The following MR1 variants were observed in gnomAD, a reference collection of about 807,000 sequenced individuals.
MR1 encodes the protein major histocompatibility complex, class I-related, also known as major histocompatibility complex class I-related protein 1.
MR1 carries 44 observed loss-of-function variants against 37.8 expected under a neutral mutation model. The observed-to-expected ratio is 1.16, with a 90% CI of 0.91 to 1.50. The LOEUF (loss-of-function observed/expected upper bound fraction) is 1.50, where lower values mean the gene tolerates loss of function less well. Ranked by LOEUF, MR1 falls within the 40% of genes most tolerant of loss-of-function variation. The pLI is 0.00. For missense variants in MR1, 386 were observed against 419.1 expected, an observed-to-expected ratio of 0.92 and a Z score of 0.69; for synonymous variants, 153 against 155.8, an observed-to-expected ratio of 0.98 and a Z score of 0.13.
At chr1:181,033,945 C>A, upstream of MR1, 2 of 1,461,132 alleles carry the variant, frequency 1.4e-6, no homozygotes, top group South Asian at 1.2e-5. Context: ...TTGTGTGTCA[C>A]CAAGAGGTTC....
At chr1:181,039,877 A>AG (rs1428640667) in intron 1 of MR1, among the ~76,000 whole-genome samples, 2 of 151,656 alleles carry the variant, frequency 1.3e-5, no homozygotes, top group East Asian at 1.9e-4. Context: ...AAAAAAAAAA[A>AG]AAAAGAAAAA....
At chr1:181,047,020 C>G (rs144609092) in intron 1 of MR1, among the ~76,000 whole-genome samples, 1,585 of 152,250 alleles carry the variant, frequency 0.01, 29 homozygotes, top group African/African-American at 0.033. Context: ...CGAGGGTCCA[C>G]GGCTTCATTC....
rs1239701157 is a variant in MR1, at chr1:181,057,239, T to C, written c.*1974T>C. On this transcript the variant is annotated 3_prime_UTR_variant, in exon 6 of 6. Transcript: ENST00000367580. ...ATATGAAGCTACCACTGTACATCTC[T>C]CTTTTCCGGTGCCTGTTGAGTTGCA... 1.3e-5 allele frequency: 2 copies of C among 152,222 alleles called. No homozygotes were observed. Among genetic ancestry groups the C allele is most frequent in the Non-Finnish European group, 2.9e-5 (2 of 68,038 alleles). The allele number at this position is 152,222 out of a possible 1,614,324, so 9.4% of individuals were successfully genotyped here. A position where few individuals can be genotyped will look rare whatever the true frequency, so the allele number is the denominator to read the frequency against.
chr1:181,050,717 C>T (rs1658264559), intron 3 of MR1: 1 of 220,474 alleles, frequency 4.5e-6, no homozygotes, highest in African/African-American at 2.3e-5. Flanking sequence ...TGAGGTTGGG[C>T]ATGATGGCTC....
chr1:181,050,103 T>A lies in MR1; in HGVS notation c.421T>A (p.Phe141Ile). The A allele has an allele frequency of 2.5e-6, 4 of 1,614,216 alleles. No homozygotes were observed. The highest frequency in any genetic ancestry group is 2.5e-6 in the Non-Finnish European group (3 of 1,180,032). Residue 141 changes from phenylalanine (F) to isoleucine (I), a missense_variant, in exon 3 of 6, where the codon TTC (phenylalanine) becomes ATC (isoleucine). Physicochemically the swap from Phe to Ile is conservative, Grantham distance 21. Transcript: ENST00000367580. The part of the protein sequence containing the change: ...FLQYAYDGQD[F>I]LIFNKDTLSW... The stretch of plus-strand genomic sequence containing the variant: ...GCAGTATGCATATGACGGGCAGGAT[T>A]TCCTGATCTTCAATAAAGACACCCT...
At chr1:181,053,038 C>G (rs921291785) in intron 4 of MR1, among the ~76,000 whole-genome samples, 8 of 151,988 alleles carry the variant, frequency 5.3e-5, no homozygotes, top group African/African-American at 1.7e-4. Context: ...ACACTCCAGC[C>G]TGTGCGAAGG....
chr1:181,061,733 T>C lies in MR1; in HGVS notation c.*6468T>C, dbSNP rs917992015. The C allele has an allele frequency of 1.3e-5, 2 of 152,258 alleles. No homozygotes were observed. The highest frequency in any genetic ancestry group is 2.9e-5 in the Non-Finnish European group (2 of 68,044). 9.4% of individuals were successfully genotyped at this position (152,258 alleles called of 1,614,324 possible). A position where few individuals can be genotyped will look rare whatever the true frequency, so the allele number is the denominator to read the frequency against. On this transcript the variant is annotated 3_prime_UTR_variant, in exon 6 of 6. Transcript: ENST00000367580. ...TAAATACTTTTTGAATGAACTAGTA[T>C]AGTATTTTAATTAGCTAGTCTTCAT...
chr1:181,047,300 T>TA (rs111452459), intron 1 of MR1, among the ~76,000 whole-genome samples: 117 of 145,754 alleles, frequency 8.0e-4, no homozygotes, highest in South Asian at 5.4e-3. Context: ...CACTGTGCTT[T>TA]AAAAAAAAAA....
intron 1 of MR1, among the ~76,000 whole-genome samples, chr1:181,040,160 C>T (rs1657485350): frequency 6.6e-6 from 1 of 152,080 alleles, no homozygotes; most frequent in African/African-American, 2.4e-5. Flanking sequence ...GACAGAATAC[C>T]AAATTCTAAA....
At chr1:181,054,265 C>T (rs1193182518) in intron 5 of MR1, among the ~76,000 whole-genome samples, 1 of 152,090 alleles carries the variant, frequency 6.6e-6, no homozygotes, top group Admixed American at 6.6e-5. Flanking sequence ...CATTAATGAC[C>T]TACTGTGCTC....
At chr1:181,046,464 A>C (rs61809217) in intron 1 of MR1, among the ~76,000 whole-genome samples, 39,970 of 151,860 alleles carry the variant, frequency 0.26, 6,281 homozygotes, top group Non-Finnish European at 0.34. Flanking sequence ...TCTGGTGGGG[A>C]CTTGGAGAAC....
chr1:181,046,528 T>G lies in MR1; in HGVS notation c.68-2524T>G, dbSNP rs368039791. Among the ~76,000 whole-genome samples the G allele has an allele frequency of 5.9e-5, 9 of 152,210 alleles. No homozygotes were observed. The East Asian group carries it at 1.5e-3, about 26-fold the overall frequency. On this transcript the variant is annotated intron_variant, in intron 1 of 5. Transcript: ENST00000367580. ...CTGGTGGGGACGTGGAGAACCTTTGTGTCTAGCTGAGGGATGGTAAACGCA... is the reference window on the plus strand; with the variant it reads ...CTGGTGGGGACGTGGAGAACCTTTGGGTCTAGCTGAGGGATGGTAAACGCA...
chr1:181,046,026 G>A (rs935632318), intron 1 of MR1, among the ~76,000 whole-genome samples: 2 of 152,232 alleles, frequency 1.3e-5, no homozygotes, highest in Non-Finnish European at 2.9e-5. Flanking sequence ...GCCCACCAGC[G>A]CTGCAGCTCG....
rs2102415946 is a variant in MR1 at position 181,060,129 on chromosome 1, C to G, written c.*4864C>G. On this transcript the variant is annotated 3_prime_UTR_variant, in exon 6 of 6. Coordinates refer to ENST00000367580, the MANE Select transcript of MR1 (RefSeq NM_001385161.1). ...CTGGGAAAGGATCTGTTCCAGGCTT[C>G]CCTCCTATCTTCTGGTTGTTCCTTG... 6.6e-6 allele frequency: 1 copy of G among 151,942 alleles called. No individual in the cohort carries two copies. Among genetic ancestry groups the G allele is most frequent in the African/African-American group, 2.4e-5 (1 of 41,500 alleles). The allele number at this position is 151,942 out of a possible 1,614,324, so 9.4% of individuals were successfully genotyped here.
intron 1 of MR1, among the ~76,000 whole-genome samples, chr1:181,035,617 T>C (rs893300123): frequency 3.9e-5 from 6 of 152,164 alleles, no homozygotes; most frequent in Non-Finnish European, 5.9e-5. Flanking sequence ...TCCAATAATA[T>C]GGAATAATAT....
chr1:181,049,419 TGGCAAAGCCTGA>T, intron 2 of MR1, 107 bp downstream of exon 2: 1 of 1,374,076 alleles, frequency 7.3e-7, no homozygotes, highest in Non-Finnish European at 9.8e-7. Context: ...GCTGTAGCTT[TGGCAAAGCCTGA>T]GGAATCAGGT....
At chr1:181,050,452 T>C in intron 3 of MR1, 166 bp downstream of exon 3, 1 of 787,866 alleles carries the variant, frequency 1.3e-6, no homozygotes, top group South Asian at 1.8e-5. Flanking sequence ...CTGGTTACTT[T>C]TGAGCAGCAT....
rs1200882276 is a variant in MR1, at chr1:181,057,205, T to C, written c.*1940T>C. On this transcript the variant is annotated 3_prime_UTR_variant, in exon 6 of 6. Transcript: ENST00000367580. ...TTCCTCCTTGCTCCACTGTCCCATG[T>C]AATTCCATATATGAAGCTACCACTG... 2 of 152,232 alleles carry C rather than the reference T, an allele frequency of 1.3e-5. No individual in the cohort carries two copies. Among genetic ancestry groups the C allele is most frequent in the Non-Finnish European group, 2.9e-5 (2 of 68,048 alleles). The allele number at this position is 152,232 out of a possible 1,614,324, so 9.4% of individuals were successfully genotyped here.
rs1446942434 is a variant in MR1 at position 181,052,510 on chromosome 1, G to A, written c.880G>A (p.Glu294Lys). ...CCACATGGTTCTTCAGGTCCCCCAG[G>A]GTAAGGACGGGGATCGTGGCTGTCT... ...GVHMVLQVPQ[E>K]SETIPLVMKA... Residue 294 changes from glutamate to lysine, a missense_variant and splice_region_variant, in exon 4 of 6, where the codon GAA becomes AAA. By Grantham distance (56) the Glu-to-Lys change is moderately conservative. Coordinates refer to ENST00000367580, the MANE Select transcript of MR1 (RefSeq NM_001385161.1). 3 of 1,610,420 alleles carry A rather than the reference G, an allele frequency of 1.9e-6. No homozygotes were observed. Among genetic ancestry groups the A allele is most frequent in the Middle Eastern group, 1.7e-4 (1 of 5,958 alleles).
Sources: gnomAD v4.1 joint callset for allele counts (sites outside exome capture counted in the v4.1 genomes callset) on GRCh38, gnomAD v4.1.1 for gene constraint, MANE v1.5 for transcripts, NCBI Gene and HGNC (gene_info 2026-07-23, HGNC 2026-07-21) for gene names.